SLC9A9: variants seen among roughly 807,000 people sequenced by gnomAD.
The protein encoded by SLC9A9 is sodium/hydrogen exchanger 9.
Under a neutral mutation model 77.8 loss-of-function variants are expected in SLC9A9, and 62 were observed. The ratio of observed to expected loss-of-function variants is 0.80; its 90% CI spans 0.65 to 0.98. The LOEUF is 0.98. Among genes scored for constraint, SLC9A9 ranks in the 50% least tolerant of loss-of-function variants. SLC9A9 has a pLI of 0.00. For missense variants in SLC9A9, 775 were observed against 774.9 expected (o/e 1.00, Z 0.00); for synonymous variants, 320 against 283.5 (o/e 1.13, Z -1.29).
intron 12 of SLC9A9, among the ~76,000 whole-genome samples, chr3:143,410,185 C>A (rs568087748): frequency 4.1e-4 from 62 of 152,324 alleles, no homozygotes; most frequent in African/African-American, 1.5e-3. Context: ...TCAGGGCCCA[C>A]ACTGGACTTC....
intron 11 of SLC9A9, among the ~76,000 whole-genome samples, chr3:143,485,811 C>T (rs1485589944): frequency 1.3e-5 from 2 of 151,598 alleles, no homozygotes; most frequent in African/African-American, 2.4e-5. Context: ...GACTTTTAAG[C>T]GGACTTCAAA....
chr3:143,822,048 T>C (rs970846922), intron 2 of SLC9A9, among the ~76,000 whole-genome samples: 7 of 152,216 alleles, frequency 4.6e-5, no homozygotes, highest in African/African-American at 1.7e-4. Context: ...TCATGCACTT[T>C]CCAGAGTGAC....
chr3:143,540,793 T>C (rs1012545071), intron 9 of SLC9A9, among the ~76,000 whole-genome samples: 1 of 152,218 alleles, frequency 6.6e-6, no homozygotes, highest in Non-Finnish European at 1.5e-5. Context: ...ACCTTGTAGA[T>C]TTTATGTGAA....
chr3:143,289,536 T>C (rs1003412101), intron 14 of SLC9A9, among the ~76,000 whole-genome samples: 3 of 152,136 alleles, frequency 2.0e-5, no homozygotes, highest in Non-Finnish European at 4.4e-5. Context: ...TCATTGAACA[T>C]GTCATCATCC....
chr3:143,779,520 C>T (rs916331037), intron 4 of SLC9A9, among the ~76,000 whole-genome samples: 2 of 152,082 alleles, frequency 1.3e-5, no homozygotes, highest in African/African-American at 4.8e-5. Flanking sequence ...TACAAGTATG[C>T]ACCACATGCC....
At chr3:143,815,845 A>G (rs2009000181) in intron 2 of SLC9A9, among the ~76,000 whole-genome samples, 1 of 152,132 alleles carries the variant, frequency 6.6e-6, no homozygotes, top group African/African-American at 2.4e-5. Flanking sequence ...CAGCCTGGTG[A>G]CAGAGCAAGA....
intron 2 of SLC9A9, among the ~76,000 whole-genome samples, chr3:143,820,529 G>A (rs1175930159): frequency 1.3e-5 from 2 of 152,168 alleles, no homozygotes; most frequent in East Asian, 3.9e-4. Context: ...CTGCACACTT[G>A]GATTGGCTGC....
At chr3:143,583,807 T>C (rs1198182971) in intron 6 of SLC9A9, among the ~76,000 whole-genome samples, 3 of 152,188 alleles carry the variant, frequency 2.0e-5, no homozygotes, top group Non-Finnish European at 2.9e-5. Flanking sequence ...CAAACAAATG[T>C]TCAATCAAAA....
intron 14 of SLC9A9, among the ~76,000 whole-genome samples, chr3:143,297,285 G>A (rs901961231): frequency 6.6e-6 from 1 of 152,148 alleles, no homozygotes; most frequent in South Asian, 2.1e-4. Context: ...TTTCCCCATT[G>A]TGGGTTTTGG....
intron 4 of SLC9A9, among the ~76,000 whole-genome samples, chr3:143,730,246 C>G (rs1463106363): frequency 6.6e-6 from 1 of 152,088 alleles, no homozygotes; most frequent in African/African-American, 2.4e-5. Context: ...GACTGTGAAA[C>G]TCAAGAGCAA....
In SLC9A9 at chr3:143,634,861, G is replaced by T. The variant is rs150723942; in HGVS notation, c.755+17394C>A. Among the ~76,000 whole-genome samples, 331 of 151,782 alleles carry T rather than the reference G, an allele frequency of 2.2e-3. 2 individuals carry two copies. Among genetic ancestry groups the T allele is most frequent in the African/African-American group, 6.6e-3 (273 of 41,364 alleles). ...GAATATATATTACTCCCTCCTTTTTGATTATAACTCATCTTTTTAAAAGCC... is the reference window on the plus strand; with the variant it reads ...GAATATATATTACTCCCTCCTTTTTTATTATAACTCATCTTTTTAAAAGCC... On this transcript the variant is annotated intron_variant, in intron 6 of 15. Transcript: ENST00000316549.
At chr3:143,292,497 G>A (rs564730433) in intron 14 of SLC9A9, among the ~76,000 whole-genome samples, 15 of 151,692 alleles carry the variant, frequency 9.9e-5, no homozygotes, top group Admixed American at 3.3e-4. Flanking sequence ...TGTTTTTTTC[G>A]CGATGTCCTA....
intron 14 of SLC9A9, among the ~76,000 whole-genome samples, chr3:143,337,163 A>T (rs1438585179): frequency 6.6e-6 from 1 of 152,050 alleles, no homozygotes; most frequent in East Asian, 1.9e-4. Flanking sequence ...ACCATGAGCA[A>T]AGAGCTATTA....
chr3:143,362,156 G>T (rs2032771481), intron 14 of SLC9A9, among the ~76,000 whole-genome samples: 2 of 152,136 alleles, frequency 1.3e-5, no homozygotes, highest in African/African-American at 4.8e-5. Context: ...TAGTTACTGA[G>T]ATACCAGAAC....
At chr3:143,510,896 G>A (rs188159274) in intron 9 of SLC9A9, among the ~76,000 whole-genome samples, 1 of 152,200 alleles carries the variant, frequency 6.6e-6, no homozygotes, top group Admixed American at 6.5e-5. Context: ...TAAGCTCCAG[G>A]GTGGAGAAAA....
At chr3:143,394,376 G>A (rs1179448225) in intron 12 of SLC9A9, among the ~76,000 whole-genome samples, 2 of 152,206 alleles carry the variant, frequency 1.3e-5, no homozygotes, top group African/African-American at 2.4e-5. Context: ...AATAGAAGCA[G>A]AAAAGGCCTT....
chr3:143,422,969 T>A (rs2034326459), intron 12 of SLC9A9, among the ~76,000 whole-genome samples: 1 of 152,166 alleles, frequency 6.6e-6, no homozygotes, highest in Non-Finnish European at 1.5e-5. Flanking sequence ...AGGAGATCCA[T>A]GACCCAGTCC....
intron 14 of SLC9A9, among the ~76,000 whole-genome samples, chr3:143,287,618 T>C (rs945854772): frequency 6.6e-6 from 1 of 152,220 alleles, no homozygotes; most frequent in Admixed American, 6.5e-5. Context: ...TATATAACTG[T>C]TCCCTTAGGG....
intron 11 of SLC9A9, among the ~76,000 whole-genome samples, chr3:143,492,855 C>G (rs908436024): frequency 6.6e-6 from 1 of 152,188 alleles, no homozygotes; most frequent in African/African-American, 2.4e-5. Context: ...CAATAACTGC[C>G]TCTGAGTACA....
Sources: allele counts gnomAD v4.1 joint callset (sites outside exome capture counted in the v4.1 genomes callset), GRCh38; gene constraint gnomAD v4.1.1; transcripts MANE v1.5; gene names NCBI Gene and HGNC (gene_info 2026-07-23, HGNC 2026-07-21).